The following XRRA1 variants were observed in gnomAD, a reference collection of about 807,000 sequenced individuals.
XRRA1 encodes the protein X-ray radiation resistance associated 1.
A neutral mutation model predicts 80.2 loss-of-function variants in XRRA1; 69 were observed. The observed-to-expected ratio is 0.86, with a 90% CI of 0.71 to 1.05. The LOEUF (loss-of-function observed/expected upper bound fraction) is 1.05. XRRA1 is among the 50% of genes least tolerant of loss of function. The probability of loss-of-function intolerance (pLI) is 0.00; values close to 1 mark genes in which losing one functional copy is unlikely to be tolerated. For missense variants in XRRA1, 967 were observed against 976.4 expected (o/e 0.99, Z 0.13); for synonymous variants, 348 against 389.9 (o/e 0.89, Z 1.27).
rs547329588 is a variant in XRRA1 at position 74,910,629 on chromosome 11, T to C, written c.657-3356A>G. ...TCAGGCCATGAAAAGCTTTGAGCGA[T>C]GTTAATGGAGTTTATCTTTAGGATA... On this transcript the variant is annotated intron_variant, in intron 8 of 18. Coordinates refer to ENST00000684022, the MANE Select transcript of XRRA1 (RefSeq NM_001378157.1). 3 of 152,358 alleles carry C rather than the reference T, an allele frequency of 2.0e-5. No individual in the cohort carries two copies. The East Asian group carries it at 5.8e-4, about 29-fold the overall frequency. The allele number at this position is 152,358 out of a possible 1,614,324, so 9.4% of individuals were successfully genotyped here.
intron 10 of XRRA1, among the ~76,000 whole-genome samples, chr11:74,904,835 A>T (rs374466784): frequency 6.6e-6 from 1 of 151,646 alleles, no homozygotes; most frequent in Admixed American, 6.6e-5. Flanking sequence ...AAAATACACA[A>T]CCTACCAAGA....
At position 74,863,007 on chromosome 11, in the gene XRRA1, A is replaced by T. The variant is rs1413436012; in HGVS notation, c.1018T>A (p.Ser340Thr). 1 of 1,604,238 alleles carries T rather than the reference A, an allele frequency of 6.2e-7. No homozygotes were observed. ...DVDRTEVVFS[S>T]YPGFSTSETT... ...TCTGAGGTTGAAAATCCAGGGTAAG[A>T]TGAAAACACAACCTCTGAAACAGAA... is the stretch of plus-strand genomic sequence containing the variant. The change falls in exon 11 of 19, where the codon TCT (serine) becomes ACT (threonine). Residue 340 changes from serine (S) to threonine (T), a missense_variant. Transcript: ENST00000684022.
In XRRA1 at chr11:74,859,258, G is replaced by T; in HGVS notation, c.1070C>A (p.Pro357His). The T allele has an allele frequency of 6.2e-7, 1 of 1,608,898 alleles. No homozygotes were observed. The highest frequency in any genetic ancestry group is 8.5e-7 in the Non-Finnish European group (1 of 1,178,164). The change falls in exon 12 of 19, where the codon CCC becomes CAC. Residue 357 changes from proline to histidine, a missense_variant. Transcript: ENST00000684022. ...CTTCACAGGAAGGATCTCGAATATG[G>T]GAGGAAGTGAACATATCTTGGTTGT... Reference protein sequence around the residue: ...SETTKICSLPPIFEILPVKSL... With the variant: ...SETTKICSLPHIFEILPVKSL...
intron 18 of XRRA1, 74 bp downstream of exon 18, chr11:74,843,780 C>T (rs748530580): frequency 1.3e-5 from 17 of 1,352,980 alleles, no homozygotes; most frequent in Admixed American, 2.0e-5. Context: ...TGCACTGACA[C>T]AAGCCCTTTC....
At chr11:74,902,769 G>A (rs1591254673) in intron 10 of XRRA1, among the ~76,000 whole-genome samples, 1 of 152,092 alleles carries the variant, frequency 6.6e-6, no homozygotes, top group Admixed American at 6.6e-5. Context: ...CCAGAGGCTG[G>A]GAAGGATAGT....
In XRRA1 at chr11:74,942,724, T is replaced by C. The variant is rs532725563; in HGVS notation, c.-4-1842A>G. ...TGCCTTGGCTTTTTCCTCAGTGAAATGTAGACAGTAAGTGCACCTACTTCA... is the reference window on the plus strand; with the variant it reads ...TGCCTTGGCTTTTTCCTCAGTGAAACGTAGACAGTAAGTGCACCTACTTCA... On this transcript the variant is annotated intron_variant, in intron 2 of 18. Transcript: ENST00000684022. Among the ~76,000 whole-genome samples the C allele has an allele frequency of 8.5e-5, 13 of 152,344 alleles. No homozygotes were observed. In the East Asian group the frequency reaches 9.6e-4, roughly 11 times the overall value.
At chr11:74,886,851 A>G (rs898480646) in intron 10 of XRRA1, among the ~76,000 whole-genome samples, 3 of 152,240 alleles carry the variant, frequency 2.0e-5, no homozygotes, top group Non-Finnish European at 4.4e-5. Context: ...ACAGCATGGT[A>G]CTGGCACAAG....
chr11:74,932,101 GGAGCTCTT>G (rs1943727192), intron 5 of XRRA1, among the ~76,000 whole-genome samples: 1 of 151,964 alleles, frequency 6.6e-6, no homozygotes, highest in East Asian at 1.9e-4. Context: ...TTGTTTTGTA[GGAGCTCTT>G]GACACATTCT....
At chr11:74,885,702 A>G (rs1453607540) in intron 10 of XRRA1, among the ~76,000 whole-genome samples, 1 of 152,150 alleles carries the variant, frequency 6.6e-6, no homozygotes, top group East Asian at 1.9e-4. Context: ...CTCCTCCCTA[A>G]CTCATTCTTT....
At chr11:74,879,066 T>A in intron 10 of XRRA1, among the ~76,000 whole-genome samples, 1 of 146,426 alleles carries the variant, frequency 6.8e-6, no homozygotes, top group East Asian at 2.0e-4. Flanking sequence ...GTATGGCCAT[T>A]TTCACGATAT....
chr11:74,917,255 T>C (rs1368876380), intron 8 of XRRA1, among the ~76,000 whole-genome samples: 4 of 152,342 alleles, frequency 2.6e-5, no homozygotes, highest in Non-Finnish European at 5.9e-5. Flanking sequence ...AATGAATATA[T>C]TTCTTATTCT....
chr11:74,870,000 G>A (rs1450939690), intron 10 of XRRA1, among the ~76,000 whole-genome samples: 1 of 152,174 alleles, frequency 6.6e-6, no homozygotes, highest in Non-Finnish European at 1.5e-5. Flanking sequence ...GGGCCCATCT[G>A]GGATCCAAGG....
At chr11:74,891,444 A>G (rs1276859922) in intron 10 of XRRA1, among the ~76,000 whole-genome samples, 2 of 152,266 alleles carry the variant, frequency 1.3e-5, no homozygotes, top group Non-Finnish European at 2.9e-5. Flanking sequence ...CACAGCCAAT[A>G]TCATACTGAA....
intron 7 of XRRA1, among the ~76,000 whole-genome samples, chr11:74,926,632 G>A (rs1317824935): frequency 6.6e-6 from 1 of 152,128 alleles, no homozygotes; most frequent in Non-Finnish European, 1.5e-5. Context: ...AGTGACAAAA[G>A]CTTTGTTCCT....
chr11:74,914,265 C>T (rs1200244571), intron 8 of XRRA1, among the ~76,000 whole-genome samples: 4 of 152,128 alleles, frequency 2.6e-5, no homozygotes, highest in Admixed American at 2.6e-4. Context: ...GGATTACAGG[C>T]GTGAGCCACC....
At chr11:74,893,005 T>C (rs1275482690) in intron 10 of XRRA1, among the ~76,000 whole-genome samples, 2 of 152,198 alleles carry the variant, frequency 1.3e-5, no homozygotes, top group African/African-American at 4.8e-5. Context: ...TGGCAATTCC[T>C]CAGGGATCTA....
intron 10 of XRRA1, 92 bp downstream of exon 10, chr11:74,906,147 T>A: frequency 8.2e-7 from 1 of 1,225,224 alleles, no homozygotes; most frequent in Non-Finnish European, 1.1e-6. Flanking sequence ...TTCGTGATAT[T>A]CACCATGACC....
chr11:74,859,453 T>G (rs2041864085), intron 11 of XRRA1, among the ~76,000 whole-genome samples, 170 bp from the exon 12 acceptor site: 2 of 152,116 alleles, frequency 1.3e-5, no homozygotes, highest in South Asian at 4.2e-4. Context: ...AGCCCAGAAT[T>G]CTGGCTCCAA....
intron 10 of XRRA1, among the ~76,000 whole-genome samples, chr11:74,881,552 C>T (rs2047588402): frequency 6.6e-6 from 1 of 151,214 alleles, no homozygotes; most frequent in South Asian, 2.1e-4. Flanking sequence ...CAGTTTCTTC[C>T]TAGTCTCGAT....
Sources: allele counts gnomAD v4.1 joint callset (sites outside exome capture counted in the v4.1 genomes callset), GRCh38; gene constraint gnomAD v4.1.1; transcripts MANE v1.5; gene names NCBI Gene and HGNC (gene_info 2026-07-23, HGNC 2026-07-21).